Variants in ATP11A observed in about 807,000 individuals in gnomAD.
ATP11A encodes the protein phospholipid-transporting ATPase IH.
ATP11A carries 81 observed loss-of-function variants against 154.4 expected under a neutral mutation model. That is an observed-to-expected ratio of 0.52 (90% CI 0.44 to 0.63). The LOEUF (loss-of-function observed/expected upper bound fraction) is 0.63, where lower values mean the gene tolerates loss of function less well. Among genes scored for constraint, ATP11A ranks in the 30% least tolerant of loss-of-function variants. The pLI, the probability that ATP11A is intolerant of heterozygous loss-of-function variation, is 0.00. For synonymous variants in ATP11A, 623 were observed against 585.9 expected (o/e 1.06, Z -0.91); for missense variants, 1,316 against 1,474.3 (o/e 0.89, Z 1.76).
At position 112,858,266 on chromosome 13, in the gene ATP11A, G is replaced by A; in HGVS notation, c.2643G>A (p.Glu881=). The change falls in exon 22 of 30, where the codon GAG becomes GAA. Residue 881 remains glutamate (E), a synonymous_variant. Transcript: ENST00000375645. ...ATTTTTATTACATTAGGATCTCTGAGCTCGTGCAGTACTTCTTCTATAAGG... is the reference window on the plus strand; with the variant it reads ...ATTTTTATTACATTAGGATCTCTGAACTCGTGCAGTACTTCTTCTATAAGG... The part of the protein sequence containing the change: ...HGHFYYIRIS[E]LVQYFFYKNV... The A allele has an allele frequency of 6.2e-7, 1 of 1,613,734 alleles. No individual in the cohort carries two copies. Among genetic ancestry groups the A allele is most frequent in the African/African-American group, 1.3e-5 (1 of 75,030 alleles).
At chr13:112,870,899 G>T (rs943975216) in intron 25 of ATP11A, among the ~76,000 whole-genome samples, 5 of 152,186 alleles carry the variant, frequency 3.3e-5, no homozygotes, top group Admixed American at 3.3e-4. Flanking sequence ...CTGTCCTCAC[G>T]GGTCGGGCAC....
At chr13:112,756,193 C>T (rs1210488094) in intron 1 of ATP11A, among the ~76,000 whole-genome samples, 4 of 152,214 alleles carry the variant, frequency 2.6e-5, no homozygotes, top group Non-Finnish European at 5.9e-5. Context: ...AACCAAAATA[C>T]AAATTAAATA....
At chr13:112,876,228 T>A in intron 28 of ATP11A, 1 of 253,612 alleles carries the variant, frequency 3.9e-6, no homozygotes, top group Non-Finnish European at 7.5e-6. Context: ...AATGGAAACC[T>A]TTTTTAAAAT....
At chr13:112,876,938 C>T (rs1476098459) in intron 28 of ATP11A, among the ~76,000 whole-genome samples, 1 of 152,206 alleles carries the variant, frequency 6.6e-6, no homozygotes, top group Non-Finnish European at 1.5e-5. Flanking sequence ...AGAATGGGAC[C>T]CTGGCTTGAG....
At chr13:112,828,615 A>G (rs1023650880) in intron 12 of ATP11A, among the ~76,000 whole-genome samples, 1 of 152,354 alleles carries the variant, frequency 6.6e-6, no homozygotes, top group Admixed American at 6.5e-5. Flanking sequence ...GAAAGCGCCC[A>G]GCAGCATTGA....
intron 1 of ATP11A, among the ~76,000 whole-genome samples, chr13:112,723,384 G>T (rs192637541): frequency 1.5e-3 from 86 of 57,360 alleles, no homozygotes; most frequent in African/African-American, 5.5e-3. Context: ...CTATTCTCCT[G>T]CTTCAGCCTC....
In ATP11A at chr13:112,872,861, A is replaced by G. The variant is rs9549582; in HGVS notation, c.3058-712A>G. ...GAGGTGTGGCTTTGTCTTCCTGAGC[A>G]GTGTGAGCTGTGGCTTTGTCTCCCG... is the stretch of plus-strand genomic sequence containing the variant. On this transcript the variant is annotated intron_variant, in intron 26 of 29. Coordinates refer to ENST00000375645, the MANE Select transcript of ATP11A (RefSeq NM_015205.3). Among the ~76,000 whole-genome samples, 187 of 97,618 alleles carry G rather than the reference A, an allele frequency of 1.9e-3. 2 individuals carry two copies. The highest frequency in any genetic ancestry group is 3.1e-3 in the African/African-American group (74 of 24,152). 64.0% of individuals were successfully genotyped at this position (97,618 alleles called of 152,430 possible).
At chr13:112,706,300 A>T (rs1887132234) in intron 1 of ATP11A, among the ~76,000 whole-genome samples, 1 of 152,228 alleles carries the variant, frequency 6.6e-6, no homozygotes, top group Admixed American at 6.5e-5. Flanking sequence ...GCAAGAGAGG[A>T]GGATCTGGTG....
At chr13:112,722,633 C>T (rs972956916) in intron 1 of ATP11A, among the ~76,000 whole-genome samples, 6 of 152,094 alleles carry the variant, frequency 3.9e-5, no homozygotes, top group Admixed American at 1.3e-4. Flanking sequence ...GTGCCCTTGG[C>T]GGAGAGGAGG....
At chr13:112,729,708 T>G (rs1890288442) in intron 1 of ATP11A, among the ~76,000 whole-genome samples, 1 of 152,280 alleles carries the variant, frequency 6.6e-6, no homozygotes, top group Non-Finnish European at 1.5e-5. Flanking sequence ...AGCGTCCTGC[T>G]ATCTTTAGCT....
intron 1 of ATP11A, among the ~76,000 whole-genome samples, chr13:112,771,872 G>A (rs990969415): frequency 6.6e-6 from 1 of 152,236 alleles, no homozygotes; most frequent in Non-Finnish European, 1.5e-5. Flanking sequence ...AAGGGAGATA[G>A]GAGGAAACGT....
rs1029045203 is a variant in ATP11A at position 112,826,546 on chromosome 13, C to T, written c.1024-148C>T. 17 of 702,966 alleles carry T rather than the reference C, an allele frequency of 2.4e-5. No individual in the cohort carries two copies. In the African/African-American group the frequency reaches 2.6e-4, roughly 11 times the overall value. The allele number at this position is 702,966 out of a possible 1,614,324, so 43.5% of individuals were successfully genotyped here. A position where few individuals can be genotyped will look rare whatever the true frequency, so the allele number is the denominator to read the frequency against. On this transcript the variant is annotated intron_variant, in intron 11 of 29. Transcript: ENST00000375645. ...GGTGACCCAGTGGCTGCCTTCCGCC[C>T]ATAGTCCTTGTCTTTGGACTCTGAA... is the stretch of plus-strand genomic sequence containing the variant.
chr13:112,820,301 G>T (rs1209762657), intron 8 of ATP11A, among the ~76,000 whole-genome samples: 1 of 152,206 alleles, frequency 6.6e-6, no homozygotes, highest in Non-Finnish European at 1.5e-5. Context: ...GTACTGATTT[G>T]TCTTCAGATA....
At position 112,785,355 on chromosome 13, in the gene ATP11A, GC is replaced by G. The variant is rs1458332725; in HGVS notation, c.162+101del. 1 of 1,298,354 alleles carries G rather than the reference GC, an allele frequency of 7.7e-7. No homozygotes were observed. Among genetic ancestry groups the G allele is most frequent in the Non-Finnish European group, 9.9e-7 (1 of 1,008,538 alleles). The allele number at this position is 1,298,354 out of a possible 1,614,324, so 80.4% of individuals were successfully genotyped here. ...GTTTCAAAGAGCGGCTCTGCTCCTG[GC>G]CCTGCTGTCACAGCCACCAGCCACC... is the stretch of plus-strand genomic sequence containing the variant. On this transcript the variant is annotated intron_variant, in intron 2 of 29. Transcript: ENST00000375645. The surrounding 1 kb of genome is among the most constrained non-coding windows in gnomAD (Gnocchi z 4.8).
chr13:112,795,825 A>T lies in ATP11A; in HGVS notation c.163-9132A>T, dbSNP rs415726. 3.0e-3 allele frequency among the ~76,000 whole-genome samples: 464 copies of T among 152,356 alleles called. 3 individuals carry two copies. Among genetic ancestry groups the T allele is most frequent in the African/African-American group, 0.011 (450 of 41,586 alleles). On this transcript the variant is annotated intron_variant, in intron 2 of 29. Coordinates refer to ENST00000375645, the MANE Select transcript of ATP11A (RefSeq NM_015205.3). Reference sequence around the variant, plus strand: ...TCAAATATTTAAAAAGGTCGATCACATGTGTAATGTTTGCCAAGTTGTATA... The same window carrying T: ...TCAAATATTTAAAAAGGTCGATCACTTGTGTAATGTTTGCCAAGTTGTATA...
intron 1 of ATP11A, among the ~76,000 whole-genome samples, chr13:112,782,944 A>G (rs1157994824): frequency 6.6e-6 from 1 of 152,212 alleles, no homozygotes; most frequent in Non-Finnish European, 1.5e-5. Context: ...CCGTGGAAAC[A>G]CTGGTTGATA....
At chr13:112,796,241 A>G (rs943423624) in intron 2 of ATP11A, among the ~76,000 whole-genome samples, 1 of 152,172 alleles carries the variant, frequency 6.6e-6, no homozygotes, top group Non-Finnish European at 1.5e-5. Flanking sequence ...TTGCATTCCC[A>G]TGAAGAAAAC....
At chr13:112,805,832 A>G (rs1216727392) in intron 3 of ATP11A, among the ~76,000 whole-genome samples, 1 of 152,226 alleles carries the variant, frequency 6.6e-6, no homozygotes, top group African/African-American at 2.4e-5. Flanking sequence ...ACAGCACTCT[A>G]ATTTTTCTAA....
chr13:112,762,865 G>C (rs927153741), intron 1 of ATP11A, among the ~76,000 whole-genome samples: 1 of 152,252 alleles, frequency 6.6e-6, no homozygotes, highest in African/African-American at 2.4e-5. Context: ...TGTGTGCCGG[G>C]AGCACAGGCC....
Sources: gnomAD v4.1 joint callset for allele counts (sites outside exome capture counted in the v4.1 genomes callset) on GRCh38, gnomAD v4.1.1 for gene constraint, Gnocchi (gnomAD v3.1) non-coding constraint, MANE v1.5 for transcripts, NCBI Gene and HGNC (gene_info 2026-07-23, HGNC 2026-07-21) for gene names.